Variants in RAB4A observed in about 807,000 individuals in gnomAD.
The protein encoded by RAB4A is ras-related protein Rab-4A.
RAB4A carries 20 observed loss-of-function variants against 34.5 expected under a neutral mutation model. That is an observed-to-expected ratio of 0.58 (90% CI 0.41 to 0.84). The LOEUF (loss-of-function observed/expected upper bound fraction) is 0.84. Ranked by LOEUF, RAB4A falls within the 40% of genes least tolerant of loss-of-function variation. RAB4A has a pLI of 0.00. For missense variants in RAB4A, 228 were observed against 274.5 expected (o/e 0.83, Z 1.20); for synonymous variants, 102 against 100.0 (o/e 1.02, Z -0.12).
At chr1:229,275,261 A>G (rs969079066) in intron 1 of RAB4A, among the ~76,000 whole-genome samples, 1 of 152,110 alleles carries the variant, frequency 6.6e-6, no homozygotes, top group African/African-American at 2.4e-5. Flanking sequence ...AGAGAAAGAG[A>G]TGTGAGGATG....
intron 6 of RAB4A, 45 bp downstream of exon 6, chr1:229,299,117 A>G: frequency 3.0e-6 from 4 of 1,328,324 alleles, no homozygotes; most frequent in African/African-American, 3.0e-5. Context: ...CATATTTTAC[A>G]CTGTAGCTCA....
intron 3 of RAB4A, among the ~76,000 whole-genome samples, chr1:229,294,865 G>A (rs1657195412): frequency 1.3e-5 from 2 of 152,146 alleles, no homozygotes; most frequent in Admixed American, 1.3e-4. Context: ...AGCAGACAGT[G>A]GGACAGTAAC....
intron 4 of RAB4A, 109 bp downstream of exon 4, chr1:229,296,019 G>A (rs751004280): frequency 4.6e-5 from 53 of 1,146,592 alleles, no homozygotes; most frequent in East Asian, 1.5e-4. Flanking sequence ...GTCCAGGGAC[G>A]GTGGTGTGGC....
chr1:229,303,007 C>T lies in RAB4A; in HGVS notation c.*12+18C>T. 6.5e-7 allele frequency: 1 copy of T among 1,546,664 alleles called. No individual in the cohort carries two copies. ...GCACACAGGTGGGTTTGGACACCTCCCTGCCCTGAGTTCCTGGCAAGCTCA... is the reference window on the plus strand; with the variant it reads ...GCACACAGGTGGGTTTGGACACCTCTCTGCCCTGAGTTCCTGGCAAGCTCA... On this transcript the variant is annotated intron_variant, in intron 7 of 7. Coordinates refer to ENST00000366690, the MANE Select transcript of RAB4A (RefSeq NM_004578.4).
chr1:229,304,538 A>C lies in RAB4A; in HGVS notation c.*745A>C, dbSNP rs900402491. On this transcript the variant is annotated 3_prime_UTR_variant, in exon 8 of 8. Transcript: ENST00000366690. ...TAAGGATTCTGGTACCTTTACCCAAACCTACTGGGCTACTAATACTTCTCT... is the reference window on the plus strand; with the variant it reads ...TAAGGATTCTGGTACCTTTACCCAACCCTACTGGGCTACTAATACTTCTCT... 1 of 152,158 alleles carries C rather than the reference A, an allele frequency of 6.6e-6. No individual in the cohort carries two copies. Among genetic ancestry groups the C allele is most frequent in the African/African-American group, 2.4e-5 (1 of 41,428 alleles). The allele number at this position is 152,158 out of a possible 1,614,324, so 9.4% of individuals were successfully genotyped here.
intron 4 of RAB4A, 107 bp downstream of exon 4, chr1:229,296,017 A>C: frequency 8.5e-7 from 1 of 1,177,192 alleles, no homozygotes; most frequent in Non-Finnish European, 1.2e-6. Context: ...GTGTCCAGGG[A>C]CGGTGGTGTG....
intron 3 of RAB4A, among the ~76,000 whole-genome samples, chr1:229,289,581 G>A (rs1218779253): frequency 6.6e-6 from 1 of 152,148 alleles, no homozygotes; most frequent in Non-Finnish European, 1.5e-5. Flanking sequence ...TTGGGAGGCC[G>A]AGGCAGACCT....
At chr1:229,282,599 C>G (rs1469453875) in intron 1 of RAB4A, among the ~76,000 whole-genome samples, 1 of 152,090 alleles carries the variant, frequency 6.6e-6, no homozygotes, top group Non-Finnish European at 1.5e-5. Context: ...GTCTGCAGGT[C>G]CTTGAGGCTC....
intron 6 of RAB4A, among the ~76,000 whole-genome samples, chr1:229,301,628 G>C (rs904453033): frequency 2.0e-5 from 3 of 151,746 alleles, no homozygotes; most frequent in African/African-American, 7.3e-5. Context: ...GTTTTTTTCT[G>C]AGATCATCAA....
chr1:229,291,214 T>G (rs1162344592), intron 3 of RAB4A, among the ~76,000 whole-genome samples: 1 of 152,190 alleles, frequency 6.6e-6, no homozygotes, highest in African/African-American at 2.4e-5. Flanking sequence ...AAGTAAAGGC[T>G]GAATACCAAC....
chr1:229,279,358 G>T (rs1249367914), intron 1 of RAB4A, among the ~76,000 whole-genome samples: 1 of 152,196 alleles, frequency 6.6e-6, no homozygotes, highest in Admixed American at 6.5e-5. Flanking sequence ...ATTGACTATT[G>T]ACTGCTGCAC....
At chr1:229,272,180 T>A (rs1416257684) in intron 1 of RAB4A, among the ~76,000 whole-genome samples, 1 of 152,066 alleles carries the variant, frequency 6.6e-6, no homozygotes, top group African/African-American at 2.4e-5. Context: ...GTACTTTGTA[T>A]CAGAGTTGAA....
intron 3 of RAB4A, among the ~76,000 whole-genome samples, chr1:229,295,361 C>T (rs1018554208): frequency 2.0e-5 from 3 of 152,086 alleles, no homozygotes; most frequent in South Asian, 2.1e-4. Context: ...TCAGTTTTCC[C>T]GTAGTAATAG....
In RAB4A at chr1:229,295,893, C is replaced by G; in HGVS notation, c.273C>G (p.Leu91=). 11 of 1,614,058 alleles carry G rather than the reference C, an allele frequency of 6.8e-6. No homozygotes were observed. Among genetic ancestry groups the G allele is most frequent in the Non-Finnish European group, 9.3e-6 (11 of 1,179,988 alleles). Residue 91 remains leucine, a synonymous_variant, in exon 4 of 8, where the codon CTC becomes CTG. Transcript: ENST00000366690. ...ACCGAGGCGCGGCCGGGGCTCTCCT[C>G]GTCTATGATATCACCAGGTAATGCC... ...SYYRGAAGAL[L]VYDITSRETY...
rs1432942264 is a variant in RAB4A, at chr1:229,302,287, ATATATATATATATATATATATATTTT to A, written c.542-573_542-548del. Among the ~76,000 whole-genome samples the A allele has an allele frequency of 6.5e-3, 137 of 21,164 alleles. 5 individuals carry two copies. Among genetic ancestry groups the A allele is most frequent in the Middle Eastern group, 0.044 (4 of 90 alleles). The allele number at this position is 21,164 out of a possible 152,430, so 13.9% of individuals were successfully genotyped here. ...TATATATATATATATATATATATAT[ATATATATATATATATATATATATTTT>A]TTTTTTTTTTTTACATGTGCATGAG... On this transcript the variant is annotated intron_variant, in intron 6 of 7. Transcript: ENST00000366690.
intron 1 of RAB4A, among the ~76,000 whole-genome samples, chr1:229,277,975 G>C (rs780933738): frequency 6.6e-6 from 1 of 150,958 alleles, no homozygotes; most frequent in South Asian, 2.1e-4. Flanking sequence ...AGTGATTCTC[G>C]TGCCTCAGCC....
intron 1 of RAB4A, among the ~76,000 whole-genome samples, chr1:229,278,389 G>C (rs368459400): frequency 6.6e-6 from 1 of 152,122 alleles, no homozygotes; most frequent in East Asian, 1.9e-4. Flanking sequence ...GTAATACTTA[G>C]CAATCATTTT....
chr1:229,282,498 G>A (rs1379292237), intron 1 of RAB4A, among the ~76,000 whole-genome samples: 1 of 152,152 alleles, frequency 6.6e-6, no homozygotes, highest in Non-Finnish European at 1.5e-5. Context: ...TAAGTTTTCA[G>A]TGCTGTTTCT....
intron 6 of RAB4A, among the ~76,000 whole-genome samples, chr1:229,301,772 A>G (rs1427862733): frequency 6.6e-6 from 1 of 152,142 alleles, no homozygotes; most frequent in Middle Eastern, 3.2e-3. Flanking sequence ...AAAATGTATC[A>G]TATGATAGAC....
Sources: gnomAD v4.1 joint callset for allele counts (sites outside exome capture counted in the v4.1 genomes callset) on GRCh38, gnomAD v4.1.1 for gene constraint, MANE v1.5 for transcripts, NCBI Gene and HGNC (gene_info 2026-07-23, HGNC 2026-07-21) for gene names.